Variants in MAML2 observed in about 807,000 individuals in gnomAD.
The protein encoded by MAML2 is mastermind like transcriptional coactivator 2.
In MAML2, 22 loss-of-function variants were observed where a neutral mutation model predicts 96.1. That is an observed-to-expected ratio of 0.23 (90% CI 0.16 to 0.33). The LOEUF (loss-of-function observed/expected upper bound fraction) is 0.33. MAML2 is among the 10% of genes least tolerant of loss of function. The pLI, the probability that MAML2 is intolerant of heterozygous loss-of-function variation, is 1.00. For missense variants in MAML2, 1,367 were observed against 1,392.4 expected, an observed-to-expected ratio of 0.98 and a Z score of 0.29; for synonymous variants, 561 against 521.3, an observed-to-expected ratio of 1.08 and a Z score of -1.04.
intron 1 of MAML2, among the ~76,000 whole-genome samples, chr11:96,174,760 C>T (rs1044142266): frequency 1.3e-5 from 2 of 152,240 alleles, no homozygotes; most frequent in Admixed American, 6.5e-5. Flanking sequence ...CTGTGACATA[C>T]ACTTGTGGGA....
At chr11:96,296,650 A>G (rs1010030830) in intron 1 of MAML2, among the ~76,000 whole-genome samples, 2 of 152,188 alleles carry the variant, frequency 1.3e-5, no homozygotes, top group African/African-American at 4.8e-5. Flanking sequence ...TCTCCAAAAA[A>G]TAAAATTAAA....
intron 1 of MAML2, among the ~76,000 whole-genome samples, chr11:96,251,952 T>G (rs1366170760): frequency 6.6e-6 from 1 of 151,996 alleles, no homozygotes; most frequent in Non-Finnish European, 1.5e-5. Context: ...CAGGATGGTC[T>G]TGATCTCCTG....
intron 1 of MAML2, among the ~76,000 whole-genome samples, chr11:96,270,239 G>C (rs1158755292): frequency 6.6e-6 from 1 of 152,032 alleles, no homozygotes; most frequent in African/African-American, 2.4e-5. Flanking sequence ...CACTAAAATT[G>C]CTGGAGTCTC....
At chr11:96,230,708 C>A (rs1347229095) in intron 1 of MAML2, among the ~76,000 whole-genome samples, 3 of 152,184 alleles carry the variant, frequency 2.0e-5, no homozygotes, top group African/African-American at 7.2e-5. Flanking sequence ...AGAGTCCCAA[C>A]GTTCTCTGAT....
Position 95,991,586 on chromosome 11 carries a change from A to G in MAML2, c.2277T>C (p.Thr759=), listed in dbSNP as rs374279717. 38 of 1,613,674 alleles carry G rather than the reference A, an allele frequency of 2.4e-5. No individual in the cohort carries two copies. The highest frequency in any genetic ancestry group is 4.0e-5 in the African/African-American group (3 of 74,902). The change falls in exon 3 of 5, where the codon ACT becomes ACC. Residue 759 remains threonine (T), a synonymous_variant. Transcript: ENST00000524717. The stretch of plus-strand genomic sequence containing the variant: ...TCTGCTCCATGATCTGCCTCTGTAG[A>G]GTCTGCTTCTTTCCCATCAATTGCT... ...LNQQLMGKKQ[T]LQRQIMEQKQ...
intron 1 of MAML2, among the ~76,000 whole-genome samples, chr11:96,167,928 T>C (rs1861218917): frequency 6.6e-6 from 1 of 152,224 alleles, no homozygotes; most frequent in Admixed American, 6.5e-5. Context: ...TTAACAAGCA[T>C]ATGTAATGAC....
intron 1 of MAML2, among the ~76,000 whole-genome samples, chr11:96,124,276 G>A (rs1305532912): frequency 6.6e-6 from 1 of 152,076 alleles, no homozygotes; most frequent in Admixed American, 6.5e-5. Flanking sequence ...CTCTGTGTTG[G>A]AAGTGGGAGA....
intron 1 of MAML2, among the ~76,000 whole-genome samples, chr11:96,173,716 G>A (rs190580717): frequency 2.5e-4 from 38 of 152,308 alleles, no homozygotes; most frequent in Admixed American, 1.1e-3. Context: ...CCACAGGGGC[G>A]TCGAGAAGGT....
At position 96,003,614 on chromosome 11, in the gene MAML2, A is replaced by C. The variant is rs548639757; in HGVS notation, c.2140-11891T>G. Among the ~76,000 whole-genome samples, 9 of 152,274 alleles carry C rather than the reference A, an allele frequency of 5.9e-5. No homozygotes were observed. In the East Asian group the frequency reaches 1.7e-3, roughly 29 times the overall value. On this transcript the variant is annotated intron_variant, in intron 2 of 4. Coordinates refer to ENST00000524717, the MANE Select transcript of MAML2 (RefSeq NM_032427.4). ...CAGGCAGACCTGGGTTCAAATTCCA[A>C]CTTTGGTTTTTTCTAAGTTGTATAG...
At chr11:96,307,007 T>C (rs879929793) in intron 1 of MAML2, among the ~76,000 whole-genome samples, 2 of 152,202 alleles carry the variant, frequency 1.3e-5, no homozygotes, top group Non-Finnish European at 2.9e-5. Context: ...ATTAAAGTGA[T>C]CCTGCCCTTT....
chr11:96,216,963 G>T (rs1199232189), intron 1 of MAML2, among the ~76,000 whole-genome samples: 2 of 152,178 alleles, frequency 1.3e-5, no homozygotes, highest in Non-Finnish European at 2.9e-5. Context: ...AAATAGGTAT[G>T]TAAGAGGCCA....
chr11:96,267,069 T>A (rs1486921367), intron 1 of MAML2, among the ~76,000 whole-genome samples: 1 of 152,198 alleles, frequency 6.6e-6, no homozygotes, highest in East Asian at 1.9e-4. Flanking sequence ...TTTATATATG[T>A]GTAAAACCTA....
At chr11:96,035,503 T>C (rs943691316) in intron 2 of MAML2, among the ~76,000 whole-genome samples, 2 of 152,144 alleles carry the variant, frequency 1.3e-5, no homozygotes, top group African/African-American at 4.8e-5. Flanking sequence ...TGGAAAGTCA[T>C]GTAGAGCAAG....
intron 2 of MAML2, among the ~76,000 whole-genome samples, chr11:96,027,929 G>T (rs1173494525): frequency 6.6e-6 from 1 of 151,868 alleles, no homozygotes; most frequent in African/African-American, 2.4e-5. Context: ...ATGGGGTTTT[G>T]CCATGTTGCC....
chr11:96,068,691 A>G (rs1859286660), intron 2 of MAML2, among the ~76,000 whole-genome samples: 1 of 152,012 alleles, frequency 6.6e-6, no homozygotes, highest in Non-Finnish European at 1.5e-5. Flanking sequence ...TTAGCTGGGC[A>G]TGGTGGCAGG....
At chr11:96,104,154 C>T (rs1328411113) in intron 1 of MAML2, among the ~76,000 whole-genome samples, 1 of 152,050 alleles carries the variant, frequency 6.6e-6, no homozygotes, top group Non-Finnish European at 1.5e-5. Flanking sequence ...TATTAATTAG[C>T]TTCCAATTTT....
At chr11:96,282,680 A>G (rs1260613318) in intron 1 of MAML2, among the ~76,000 whole-genome samples, 1 of 152,214 alleles carries the variant, frequency 6.6e-6, no homozygotes, top group Non-Finnish European at 1.5e-5. Flanking sequence ...TTTTGACAAT[A>G]TAGCCAAGGT....
At chr11:96,090,661 A>C (rs1015251335) in intron 2 of MAML2, among the ~76,000 whole-genome samples, 9 of 152,212 alleles carry the variant, frequency 5.9e-5, no homozygotes, top group African/African-American at 2.2e-4. Flanking sequence ...CTCCAAGTCC[A>C]TTCTCCAAAA....
chr11:96,246,782 T>TTGACTGTTC (rs1169238289), intron 1 of MAML2, among the ~76,000 whole-genome samples: 2 of 152,126 alleles, frequency 1.3e-5, no homozygotes, highest in Non-Finnish European at 2.9e-5. Flanking sequence ...CTGTTCAATG[T>TTGACTGTTC]AATATATACA....
Sources: gnomAD v4.1 joint callset for allele counts (sites outside exome capture counted in the v4.1 genomes callset) on GRCh38, gnomAD v4.1.1 for gene constraint, MANE v1.5 for transcripts, NCBI Gene and HGNC (gene_info 2026-07-23, HGNC 2026-07-21) for gene names.